The following GRIA4 variants were observed in gnomAD, a reference collection of about 807,000 sequenced individuals.
GRIA4 encodes the protein glutamate ionotropic receptor AMPA type subunit 4.
Under a neutral mutation model 104.0 loss-of-function variants are expected in GRIA4, and 34 were observed. The ratio of observed to expected loss-of-function variants is 0.33; its 90% CI spans 0.25 to 0.44. The LOEUF is 0.44. Among genes scored for constraint, GRIA4 ranks in the 20% least tolerant of loss-of-function variants. The pLI is 1.00. For missense variants in GRIA4, 750 were observed against 1,096.5 expected (o/e 0.68, Z 4.46); for synonymous variants, 386 against 381.9 (o/e 1.01, Z -0.13).
Position 105,922,870 on chromosome 11 carries a change from C to T in GRIA4, c.1477-1529C>T, listed in dbSNP as rs745442995. ...TACTGATTTTTCTACAGCTAGTTCA[C>T]ATATCACTTATGTAACAAAAACTAT... is the stretch of plus-strand genomic sequence containing the variant. On this transcript the variant is annotated intron_variant, in intron 11 of 16. Transcript: ENST00000282499. Among the ~76,000 whole-genome samples, 113 of 152,080 alleles carry T rather than the reference C, an allele frequency of 7.4e-4. 1 individual carries two copies. Among genetic ancestry groups the T allele is most frequent in the Non-Finnish European group, 2.2e-4 (15 of 67,992 alleles).
At chr11:105,786,144 CAA>C (rs34888562) in intron 4 of GRIA4, among the ~76,000 whole-genome samples, 4 of 89,294 alleles carry the variant, frequency 4.5e-5, no homozygotes, top group African/African-American at 8.9e-5. Flanking sequence ...GACCCTTTCT[CAA>C]AAAAAAAAAA....
chr11:105,972,361 T>A (rs1858742997), intron 15 of GRIA4, among the ~76,000 whole-genome samples: 1 of 152,190 alleles, frequency 6.6e-6, no homozygotes, highest in Non-Finnish European at 1.5e-5. Context: ...AAAGACTTCA[T>A]GAAATCATGT....
At chr11:105,643,352 TC>T (rs1285218833) in intron 3 of GRIA4, among the ~76,000 whole-genome samples, 1 of 152,192 alleles carries the variant, frequency 6.6e-6, no homozygotes, top group Non-Finnish European at 1.5e-5. Flanking sequence ...AAGGAGAAGA[TC>T]CTATAGGATT....
intron 3 of GRIA4, among the ~76,000 whole-genome samples, chr11:105,713,217 T>C (rs1953974923): frequency 6.6e-6 from 1 of 152,060 alleles, no homozygotes; most frequent in African/African-American, 2.4e-5. Context: ...ACGCTGTCTC[T>C]ACTAAAAATA....
At chr11:105,866,051 A>G (rs1459056008) in intron 5 of GRIA4, among the ~76,000 whole-genome samples, 1 of 152,204 alleles carries the variant, frequency 6.6e-6, no homozygotes, top group East Asian at 1.9e-4. Flanking sequence ...GGTCAGTTAC[A>G]TTATATCTCC....
At chr11:105,901,282 C>T (rs1227080566) in intron 7 of GRIA4, among the ~76,000 whole-genome samples, 2 of 152,164 alleles carry the variant, frequency 1.3e-5, no homozygotes, top group Admixed American at 6.5e-5. Flanking sequence ...ATGTGCTTCA[C>T]ATTCCCATAA....
chr11:105,939,552 G>C (rs1591467771), intron 14 of GRIA4, among the ~76,000 whole-genome samples: 1 of 152,038 alleles, frequency 6.6e-6, no homozygotes, highest in Admixed American at 6.6e-5. Context: ...AATTCTCCCA[G>C]AAAGATATTT....
intron 4 of GRIA4, among the ~76,000 whole-genome samples, chr11:105,794,006 T>C (rs1374846696): frequency 6.6e-6 from 1 of 151,988 alleles, no homozygotes; most frequent in Non-Finnish European, 1.5e-5. Flanking sequence ...TCAGGAGCAG[T>C]AGGCACTCAC....
At chr11:105,728,279 G>A (rs1342972481) in intron 3 of GRIA4, among the ~76,000 whole-genome samples, 1 of 152,160 alleles carries the variant, frequency 6.6e-6, no homozygotes, top group East Asian at 1.9e-4. Context: ...GACAAAGAAG[G>A]GCATTACATA....
intron 3 of GRIA4, among the ~76,000 whole-genome samples, chr11:105,628,812 C>T (rs1287551726): frequency 6.6e-6 from 1 of 152,064 alleles, no homozygotes; most frequent in African/African-American, 2.4e-5. Context: ...CCTCATTTAA[C>T]AGAATTGATA....
At chr11:105,834,289 T>C (rs1944093753) in intron 4 of GRIA4, among the ~76,000 whole-genome samples, 1 of 152,092 alleles carries the variant, frequency 6.6e-6, no homozygotes, top group African/African-American at 2.4e-5. Context: ...ATAATGAGTA[T>C]TAATATGGTA....
rs996129342 is a variant in GRIA4 at position 105,773,031 on chromosome 11, T to C, written c.487+19811T>C. Among the ~76,000 whole-genome samples, 96 of 152,142 alleles carry C rather than the reference T, an allele frequency of 6.3e-4. 1 individual carries two copies. The highest frequency in any genetic ancestry group is 5.0e-4 in the Non-Finnish European group (34 of 68,012). Reference sequence around the variant, plus strand: ...ATGCAGATGAGGAGAGAAATGAATATACATGTTTACAAAGCCACAGAGAAT... The same window carrying C: ...ATGCAGATGAGGAGAGAAATGAATACACATGTTTACAAAGCCACAGAGAAT... On this transcript the variant is annotated intron_variant, in intron 4 of 16. Transcript: ENST00000282499.
Position 105,981,200 on chromosome 11 carries a change from T to G in GRIA4, c.*1461T>G, listed in dbSNP as rs1859237059. 6.5e-6 allele frequency: 1 copy of G among 152,750 alleles called. No individual in the cohort carries two copies. The highest frequency in any genetic ancestry group is 6.5e-5 in the Admixed American group (1 of 15,308). The allele number at this position is 152,750 out of a possible 1,614,324, so 9.5% of individuals were successfully genotyped here. A position where few individuals can be genotyped will look rare whatever the true frequency, so the allele number is the denominator to read the frequency against. On this transcript the variant is annotated 3_prime_UTR_variant, in exon 17 of 17. Coordinates refer to ENST00000282499, the MANE Select transcript of GRIA4 (RefSeq NM_000829.4). ...TAACATGGTTCAAAAGAAGGTTTGGTTCATTTGAAATAATAAATAAGTACT... is the reference window on the plus strand; with the variant it reads ...TAACATGGTTCAAAAGAAGGTTTGGGTCATTTGAAATAATAAATAAGTACT...
chr11:105,848,331 A>G (rs1388799112), intron 4 of GRIA4, among the ~76,000 whole-genome samples: 1 of 152,212 alleles, frequency 6.6e-6, no homozygotes, highest in Non-Finnish European at 1.5e-5. Flanking sequence ...AAGATTGTAA[A>G]TATTCAACAT....
chr11:105,847,222 C>T lies in GRIA4; in HGVS notation c.488-14802C>T, dbSNP rs1944631841. ...CATGACGAGCACACAACCTAGATCC[C>T]TTGTATGTGCAGTTCACAATAGGGT... On this transcript the variant is annotated intron_variant, in intron 4 of 16. Coordinates refer to ENST00000282499, the MANE Select transcript of GRIA4 (RefSeq NM_000829.4). Among the ~76,000 whole-genome samples the T allele has an allele frequency of 1.3e-5, 2 of 152,192 alleles. 1 individual carries two copies. The highest frequency in any genetic ancestry group is 1.3e-4 in the Admixed American group (2 of 15,274).
chr11:105,685,064 C>T (rs4755108), intron 3 of GRIA4, among the ~76,000 whole-genome samples: 147,216 of 151,838 alleles, frequency 0.97, 71,527 homozygotes, highest in Middle Eastern at 1. Context: ...TAGTGGTATT[C>T]ATGATTACGT....
chr11:105,809,079 T>C (rs1943067075), intron 4 of GRIA4, among the ~76,000 whole-genome samples: 1 of 152,152 alleles, frequency 6.6e-6, no homozygotes, highest in Non-Finnish European at 1.5e-5. Flanking sequence ...TGAGGTAAGA[T>C]GTTAAAATAG....
chr11:105,965,880 G>C, intron 14 of GRIA4: 1 of 1,095,120 alleles, frequency 9.1e-7, no homozygotes, highest in South Asian at 1.3e-5. Flanking sequence ...AAGAGCTTAA[G>C]TCCTCATTCC....
intron 3 of GRIA4, among the ~76,000 whole-genome samples, chr11:105,636,452 C>T (rs1951204258): frequency 6.6e-6 from 1 of 152,012 alleles, no homozygotes; most frequent in African/African-American, 2.4e-5. Flanking sequence ...CTTTCCTTAC[C>T]CTACCTGACA....
Sources: gnomAD v4.1 joint callset for allele counts (sites outside exome capture counted in the v4.1 genomes callset) on GRCh38, gnomAD v4.1.1 for gene constraint, MANE v1.5 for transcripts, NCBI Gene and HGNC (gene_info 2026-07-23, HGNC 2026-07-21) for gene names.